Variants in UBTD1 observed in about 807,000 individuals in gnomAD.
UBTD1 encodes the protein ubiquitin domain containing 1, also known as ubiquitin domain-containing protein 1.
UBTD1 carries 19 observed loss-of-function variants against 21.7 expected under a neutral mutation model. The ratio of observed to expected loss-of-function variants is 0.87; its 90% CI spans 0.61 to 1.28. The LOEUF is 1.28. UBTD1 is among the 50% of genes most tolerant of loss of function. The pLI is 0.00. For synonymous variants in UBTD1, 116 were observed against 135.1 expected (o/e 0.86, Z 0.98); for missense variants, 282 against 315.1 (o/e 0.89, Z 0.80).
At chr10:97,565,635 G>C (rs1028228125) in intron 1 of UBTD1, among the ~76,000 whole-genome samples, 3 of 152,156 alleles carry the variant, frequency 2.0e-5, no homozygotes, top group African/African-American at 7.2e-5. Flanking sequence ...CTGGGCGACA[G>C]AGTGACCTTG....
At chr10:97,509,649 C>CT (rs560075771) in intron 1 of UBTD1, among the ~76,000 whole-genome samples, 2 of 151,966 alleles carry the variant, frequency 1.3e-5, no homozygotes, top group Non-Finnish European at 1.5e-5. Context: ...CATGAATTTC[C>CT]TTTTTTTTCC....
At chr10:97,569,472 G>A (rs1400965714) in intron 2 of UBTD1, among the ~76,000 whole-genome samples, 1 of 152,204 alleles carries the variant, frequency 6.6e-6, no homozygotes. Flanking sequence ...GTGGAGCTGG[G>A]ATGCCAGCTC....
At chr10:97,534,192 C>A (rs1174917845) in intron 1 of UBTD1, among the ~76,000 whole-genome samples, 1 of 152,206 alleles carries the variant, frequency 6.6e-6, no homozygotes, top group African/African-American at 2.4e-5. Flanking sequence ...CACTTCACCC[C>A]CTTCCCAGGA....
intron 1 of UBTD1, among the ~76,000 whole-genome samples, chr10:97,505,146 G>A (rs772303822): frequency 1.3e-5 from 2 of 152,142 alleles, no homozygotes; most frequent in African/African-American, 4.8e-5. Context: ...TGGATTCCAG[G>A]CATCTCTTAC....
Position 97,570,389 on chromosome 10 carries a change from A to C in UBTD1, c.550A>C (p.Ile184Leu), listed in dbSNP as rs144973711. 205 of 1,613,272 alleles carry C rather than the reference A, an allele frequency of 1.3e-4. No homozygotes were observed. Among genetic ancestry groups the C allele is most frequent in the Non-Finnish European group, 1.6e-4 (184 of 1,180,010 alleles). The change falls in exon 3 of 3, where the codon ATC (isoleucine) becomes CTC (leucine). Residue 184 changes from isoleucine to leucine, a missense_variant. Physicochemically the swap from Ile to Leu is conservative, Grantham distance 5. Transcript: ENST00000370664. The surrounding 1 kb of genome is among the most constrained non-coding windows in gnomAD (Gnocchi z 6.6). ...LKRQLHAQEGIEPSWQRWFFS... is the reference protein window; with the variant it reads ...LKRQLHAQEGLEPSWQRWFFS... ...GAGGCAGCTGCACGCCCAGGAGGGCATCGAGCCATCGTGGCAGCGGTGGTT... is the reference window on the plus strand; with the variant it reads ...GAGGCAGCTGCACGCCCAGGAGGGCCTCGAGCCATCGTGGCAGCGGTGGTT...
intron 1 of UBTD1, among the ~76,000 whole-genome samples, chr10:97,532,052 G>T (rs540623377): frequency 3.9e-5 from 6 of 152,326 alleles, no homozygotes; most frequent in Non-Finnish European, 7.4e-5. Flanking sequence ...CTGGCAGGCA[G>T]TTGGAGGTGG....
chr10:97,519,503 G>T (rs558755579), intron 1 of UBTD1, among the ~76,000 whole-genome samples: 1 of 152,302 alleles, frequency 6.6e-6, no homozygotes, highest in South Asian at 2.1e-4. Context: ...GAACATTTCT[G>T]CTCTTTGTGG....
chr10:97,539,258 G>T (rs1024767409), intron 1 of UBTD1, among the ~76,000 whole-genome samples: 1 of 152,138 alleles, frequency 6.6e-6, no homozygotes, highest in Admixed American at 6.6e-5. Context: ...CCACTTTACC[G>T]GCCTCAGATA....
At chr10:97,525,647 G>A (rs1015980343) in intron 1 of UBTD1, among the ~76,000 whole-genome samples, 8 of 152,072 alleles carry the variant, frequency 5.3e-5, no homozygotes, top group Admixed American at 5.2e-4. Context: ...CCATATTAGA[G>A]GCCTTCTCTG....
rs1177014566 is a variant in UBTD1 at position 97,551,073 on chromosome 10, A to G, written c.71-16841A>G. ...ACAAATAGGTTCTTAAGTCAGATCA[A>G]GTACATACCCCAGCCCAGCCCCTGT... On this transcript the variant is annotated intron_variant, in intron 1 of 2. Coordinates refer to ENST00000370664, the MANE Select transcript of UBTD1 (RefSeq NM_024954.5). Among the ~76,000 whole-genome samples, 3 of 152,346 alleles carry G rather than the reference A, an allele frequency of 2.0e-5. 1 individual carries two copies. The highest frequency in any genetic ancestry group is 4.4e-5 in the Non-Finnish European group (3 of 68,034).
intron 1 of UBTD1, among the ~76,000 whole-genome samples, chr10:97,552,482 G>A (rs992491805): frequency 5.8e-5 from 8 of 138,482 alleles, no homozygotes; most frequent in Admixed American, 2.5e-4. Flanking sequence ...TGCAACCTCC[G>A]CCTCCTCAGT....
At chr10:97,517,608 G>T (rs2040450020) in intron 1 of UBTD1, among the ~76,000 whole-genome samples, 1 of 152,154 alleles carries the variant, frequency 6.6e-6, no homozygotes, top group Admixed American at 6.5e-5. Context: ...GTCACTCGTG[G>T]CATGGCACTG....
rs940150286 is a variant in UBTD1 at position 97,499,141 on chromosome 10, C to T, written c.-63C>T. ...CGGAGCCATTGACCCGGGACGCCGCCGTCCGCTGAGCAGCCGACCACCCCG... is the reference window on the plus strand; with the variant it reads ...CGGAGCCATTGACCCGGGACGCCGCTGTCCGCTGAGCAGCCGACCACCCCG... On this transcript the variant is annotated 5_prime_UTR_variant, in exon 1 of 3. Transcript: ENST00000370664. 4.1e-6 allele frequency: 6 copies of T among 1,476,290 alleles called. No homozygotes were observed. Among genetic ancestry groups the T allele is most frequent in the Non-Finnish European group, 4.5e-6 (5 of 1,105,834 alleles). 91.4% of individuals were successfully genotyped at this position (1,476,290 alleles called of 1,614,324 possible). A position where few individuals can be genotyped will look rare whatever the true frequency, so the allele number is the denominator to read the frequency against.
chr10:97,537,295 C>T (rs762517541), intron 1 of UBTD1, among the ~76,000 whole-genome samples: 1 of 152,188 alleles, frequency 6.6e-6, no homozygotes, highest in Non-Finnish European at 1.5e-5. Context: ...CCCAGCCCCA[C>T]CTCCAGCTGT....
At chr10:97,558,538 C>T (rs575142102) in intron 1 of UBTD1, among the ~76,000 whole-genome samples, 42 of 152,294 alleles carry the variant, frequency 2.8e-4, no homozygotes, top group African/African-American at 9.1e-4. Context: ...CAGGACCCTA[C>T]AGTCTGGGTT....
intron 1 of UBTD1, among the ~76,000 whole-genome samples, chr10:97,513,713 C>T (rs560961861): frequency 4.6e-5 from 7 of 152,176 alleles, no homozygotes; most frequent in Admixed American, 3.9e-4. Context: ...TATTTATCTG[C>T]CTGTTTCTTT....
intron 1 of UBTD1, among the ~76,000 whole-genome samples, chr10:97,555,503 G>A (rs999391667): frequency 3.9e-5 from 6 of 152,144 alleles, no homozygotes; most frequent in Non-Finnish European, 5.9e-5. Context: ...CTCAGACACC[G>A]AGTTGTAGAA....
chr10:97,519,555 T>G (rs1458186004), intron 1 of UBTD1, among the ~76,000 whole-genome samples: 4 of 152,178 alleles, frequency 2.6e-5, no homozygotes, highest in Admixed American at 6.6e-5. Flanking sequence ...GTGGTGATTG[T>G]CAACTGGGGA....
At chr10:97,504,276 G>A (rs932010112) in intron 1 of UBTD1, among the ~76,000 whole-genome samples, 5 of 151,542 alleles carry the variant, frequency 3.3e-5, no homozygotes, top group African/African-American at 7.3e-5. Context: ...TAGCCAGCGT[G>A]ATACTCTAAA....
Sources: allele counts gnomAD v4.1 joint callset (sites outside exome capture counted in the v4.1 genomes callset), GRCh38; gene constraint gnomAD v4.1.1; non-coding constraint Gnocchi (gnomAD v3.1); transcripts MANE v1.5; gene names NCBI Gene and HGNC (gene_info 2026-07-23, HGNC 2026-07-21).